CLCA4: variants seen among roughly 807,000 people sequenced by gnomAD.
CLCA4 encodes the protein calcium-activated chloride channel regulator 4.
Under a neutral mutation model 78.9 loss-of-function variants are expected in CLCA4, and 69 were observed. The ratio of observed to expected loss-of-function variants is 0.87; its 90% CI spans 0.72 to 1.07. The LOEUF is 1.07. CLCA4 is among the 50% of genes least tolerant of loss of function. CLCA4 has a pLI of 0.00. For synonymous variants in CLCA4, 362 were observed against 375.8 expected (o/e 0.96, Z 0.42); for missense variants, 1,133 against 1,095.8 (o/e 1.03, Z -0.48).
chr1:86,565,503 CA>C (rs1650154854), intron 5 of CLCA4, 52 bp downstream of exon 5: 4 of 1,387,206 alleles, frequency 2.9e-6, no homozygotes, highest in Non-Finnish European at 4.0e-6. Context: ...GACATATTGT[CA>C]TGTTTTTAAA....
In CLCA4 at chr1:86,553,084, C is replaced by T. The variant is rs915656513; in HGVS notation, c.159+5806C>T. 1.6e-5 allele frequency: 11 copies of T among 703,420 alleles called. No homozygotes were observed. The Admixed American group carries it at 1.6e-4, about 10-fold the overall frequency. 43.6% of individuals were successfully genotyped at this position (703,420 alleles called of 1,614,324 possible). On this transcript the variant is annotated intron_variant, in intron 1 of 13. Coordinates refer to ENST00000370563, the MANE Select transcript of CLCA4 (RefSeq NM_012128.4). ...GAAGACCAAGTGGTCCAGCGGCGCC[C>T]ACCCTGCAGCCTGGGGTGTGCGCCG...
intron 5 of CLCA4, among the ~76,000 whole-genome samples, 157 bp from the exon 6 acceptor site, chr1:86,565,645 T>C (rs759191410): frequency 6.6e-6 from 1 of 152,128 alleles, no homozygotes; most frequent in Non-Finnish European, 1.5e-5. Context: ...ATTCTTATTA[T>C]GGTAAATCTA....
chr1:86,578,071 C>A lies in CLCA4; in HGVS notation c.2121C>A (p.Asn707Lys). The change falls in exon 12 of 14, where the codon AAC becomes AAA. Residue 707 changes from asparagine to lysine, a missense_variant and splice_region_variant. Coordinates refer to ENST00000370563, the MANE Select transcript of CLCA4 (RefSeq NM_012128.4). Reference protein sequence around the residue: ...RAAYIPGWVVNGEIEANPPRP... With the variant: ...RAAYIPGWVVKGEIEANPPRP... ...CGTACATACCAGGCTGGGTAGTGAACGGTGAGTAACTCATGATATTTATAA... is the reference window on the plus strand; with the variant it reads ...CGTACATACCAGGCTGGGTAGTGAAAGGTGAGTAACTCATGATATTTATAA... 6.2e-7 allele frequency: 1 copy of A among 1,606,146 alleles called. No homozygotes were observed. Among genetic ancestry groups the A allele is most frequent in the Non-Finnish European group, 8.5e-7 (1 of 1,176,620 alleles).
chr1:86,562,345 TC>T (rs1650049520), intron 3 of CLCA4, among the ~76,000 whole-genome samples: 1 of 152,174 alleles, frequency 6.6e-6, no homozygotes, highest in South Asian at 2.1e-4. Context: ...ACGTTCTAAT[TC>T]TGCTCCCACA....
In CLCA4 at chr1:86,565,811, T is replaced by C; in HGVS notation, c.745T>C (p.Phe249Leu). 6.6e-7 allele frequency: 1 copy of C among 1,521,546 alleles called. No homozygotes were observed. Among genetic ancestry groups the C allele is most frequent in the South Asian group, 1.3e-5 (1 of 75,656 alleles). 94.3% of individuals were successfully genotyped at this position (1,521,546 alleles called of 1,614,324 possible). A position where few individuals can be genotyped will look rare whatever the true frequency, so the allele number is the denominator to read the frequency against. ...TTTATTAACCTTTTAGGTTGTTGAA[T>C]TTTGTAACGAAAAAACCCATAATCA... The part of the protein sequence containing the change: ...FMQSIDSVVE[F>L]CNEKTHNQEA... Residue 249 changes from phenylalanine (F) to leucine (L), a missense_variant, in exon 6 of 14, where the codon TTT (phenylalanine) becomes CTT (leucine). Physicochemically the swap from Phe to Leu is conservative, Grantham distance 22. Coordinates refer to ENST00000370563, the MANE Select transcript of CLCA4 (RefSeq NM_012128.4).
Position 86,565,818 on chromosome 1 carries a change from A to G in CLCA4, c.752A>G (p.Asn251Ser). ...ACCTTTTAGGTTGTTGAATTTTGTA[A>G]CGAAAAAACCCATAATCAAGAAGCT... ...QSIDSVVEFC[N>S]EKTHNQEAPS... is the part of the protein sequence containing the mutation. Residue 251 changes from asparagine to serine, a missense_variant, in exon 6 of 14, where the codon AAC becomes AGC. By Grantham distance (46) the Asn-to-Ser change is conservative. Coordinates refer to ENST00000370563, the MANE Select transcript of CLCA4 (RefSeq NM_012128.4). The G allele has an allele frequency of 6.6e-7, 1 of 1,524,240 alleles. No homozygotes were observed. The highest frequency in any genetic ancestry group is 1.3e-5 in the South Asian group (1 of 76,054). 94.4% of individuals were successfully genotyped at this position (1,524,240 alleles called of 1,614,324 possible).
At position 86,565,889 on chromosome 1, in the gene CLCA4, G is replaced by A. The variant is rs753092233; in HGVS notation, c.823G>A (p.Val275Met). The part of the protein sequence containing the change: ...IKCNFRSTWE[V>M]ISNSEDFKNT... ...GTGCAATTTTAGAAGTACATGGGAGGTGATTAGCAATTCTGAGGATTTTAA... is the reference window on the plus strand; with the variant it reads ...GTGCAATTTTAGAAGTACATGGGAGATGATTAGCAATTCTGAGGATTTTAA... The change falls in exon 6 of 14, where the codon GTG becomes ATG. Residue 275 changes from valine (V) to methionine (M), a missense_variant. Val to Met is a conservative substitution (Grantham distance 21, BLOSUM62 1). Transcript: ENST00000370563. 14 of 1,611,920 alleles carry A rather than the reference G, an allele frequency of 8.7e-6. No homozygotes were observed. In the East Asian group the frequency reaches 2.7e-4, roughly 31 times the overall value.
At chr1:86,576,057 A>C (rs2101817843) in intron 11 of CLCA4, among the ~76,000 whole-genome samples, 1 of 152,238 alleles carries the variant, frequency 6.6e-6, no homozygotes, top group South Asian at 2.1e-4. Flanking sequence ...ATAACACCAC[A>C]TTCCAGCCTG....
intron 3 of CLCA4, among the ~76,000 whole-genome samples, 153 bp downstream of exon 3, chr1:86,560,511 CT>C (rs2101799216): frequency 6.6e-6 from 1 of 152,318 alleles, no homozygotes; most frequent in African/African-American, 2.4e-5. Flanking sequence ...AAGTGACCTA[CT>C]GTCTCTGTGG....
chr1:86,548,332 T>C (rs1649557762), intron 1 of CLCA4, among the ~76,000 whole-genome samples: 1 of 152,188 alleles, frequency 6.6e-6, no homozygotes, highest in Non-Finnish European at 1.5e-5. Context: ...GTTTCTTGTA[T>C]ATTCTGGATA....
In CLCA4 at chr1:86,580,450, G is replaced by A; in HGVS notation, c.*105G>A. ...CTGAATCTTAAAATTCATCCCATGT[G>A]TGATCATAAACTCATAAAAATAATT... On this transcript the variant is annotated 3_prime_UTR_variant, in exon 14 of 14. Coordinates refer to ENST00000370563, the MANE Select transcript of CLCA4 (RefSeq NM_012128.4). 1.1e-6 allele frequency: 1 copy of A among 881,280 alleles called. No homozygotes were observed. Among genetic ancestry groups the A allele is most frequent in the Non-Finnish European group, 1.6e-6 (1 of 622,554 alleles). The allele number at this position is 881,280 out of a possible 1,614,324, so 54.6% of individuals were successfully genotyped here.
At chr1:86,553,618 C>CAT (rs1649734481) in intron 1 of CLCA4, among the ~76,000 whole-genome samples, 1 of 152,290 alleles carries the variant, frequency 6.6e-6, no homozygotes, top group Non-Finnish European at 1.5e-5. Flanking sequence ...GGAAACTAGC[C>CAT]ATAGTTTTAC....
In CLCA4 at chr1:86,571,139, G is replaced by A. The variant is rs1318366879; in HGVS notation, c.1245G>A (p.Glu415=). 3.1e-6 allele frequency: 5 copies of A among 1,612,636 alleles called. No homozygotes were observed. The highest frequency in any genetic ancestry group is 4.2e-6 in the Non-Finnish European group (5 of 1,178,970). ...AAGTACTGCTGCTGACTGATGGGGA[G>A]GATAACACTGCAAGTTCTTGTATTG... ...GSEVLLLTDG[E]DNTASSCIDE... is the part of the protein sequence containing the mutation. Residue 415 remains glutamate (E), a synonymous_variant, in exon 8 of 14, where the codon GAG becomes GAA. Coordinates refer to ENST00000370563, the MANE Select transcript of CLCA4 (RefSeq NM_012128.4).
intron 3 of CLCA4, among the ~76,000 whole-genome samples, chr1:86,561,034 G>A (rs984315916): frequency 6.6e-6 from 1 of 152,166 alleles, no homozygotes; most frequent in Non-Finnish European, 1.5e-5. Flanking sequence ...TGCTGAATCC[G>A]CATACCCCAG....
At chr1:86,578,492 T>C (rs958303968) in intron 12 of CLCA4, among the ~76,000 whole-genome samples, 2 of 152,056 alleles carry the variant, frequency 1.3e-5, no homozygotes, top group African/African-American at 4.8e-5. Context: ...TGCCTATTGT[T>C]ACCCTCTTTG....
intron 1 of CLCA4, among the ~76,000 whole-genome samples, chr1:86,551,046 TG>T (rs1649646199): frequency 1.3e-5 from 2 of 151,980 alleles, no homozygotes; most frequent in South Asian, 4.2e-4. Context: ...TTAGCCAGGA[TG>T]GTCTCAATCT....
At position 86,571,687 on chromosome 1, in the gene CLCA4, T is replaced by C. The variant is rs576135511; in HGVS notation, c.1360+433T>C. Among the ~76,000 whole-genome samples, 302 of 151,948 alleles carry C rather than the reference T, an allele frequency of 2.0e-3. 1 individual carries two copies. Among genetic ancestry groups the C allele is most frequent in the Middle Eastern group, 0.014 (4 of 294 alleles). On this transcript the variant is annotated intron_variant, in intron 8 of 13. Transcript: ENST00000370563. ...CGTTGGGGTGACAATGCAAGGCGCA[T>C]GGAGGGAATGGTGAAAACCCCATGA... is the stretch of plus-strand genomic sequence containing the variant.
Position 86,560,314 on chromosome 1 carries a change from CT to C in CLCA4, c.405del (p.Asp136ThrfsTer102), listed in dbSNP as rs558449055. 3.3e-4 allele frequency: 531 copies of C among 1,614,010 alleles called. 4 individuals carry two copies. In the African/African-American group the frequency reaches 6.2e-3, roughly 19 times the overall value. On this transcript the variant is annotated frameshift_variant, in exon 3 of 14. Transcript: ENST00000370563. LOFTEE classifies it high-confidence loss of function. Reference protein sequence around the residue: ...GEKGEYIHFTPDLLLGKKQNE... With the variant: ...GEKGEYIHFTXDLLLGKKQNE... ...AAAGGCGAATACATTCACTTCACCC[CT>C]GACCTTCTACTTGGAAAAAAACAAA... is the stretch of plus-strand genomic sequence containing the variant.
At chr1:86,566,732 C>T (rs964856026) in intron 6 of CLCA4, among the ~76,000 whole-genome samples, 1 of 151,776 alleles carries the variant, frequency 6.6e-6, no homozygotes, top group Non-Finnish European at 1.5e-5. Context: ...CATAAATTGG[C>T]GGGGAGTAAC....
Sources: allele counts gnomAD v4.1 joint callset (sites outside exome capture counted in the v4.1 genomes callset), GRCh38; gene constraint gnomAD v4.1.1; transcripts MANE v1.5; gene names NCBI Gene and HGNC (gene_info 2026-07-23, HGNC 2026-07-21).